AIMP1: variants seen among roughly 807,000 people sequenced by gnomAD.
AIMP1 encodes the protein aminoacyl tRNA synthase complex-interacting multifunctional protein 1.
AIMP1 carries 24 observed loss-of-function variants against 33.1 expected under a neutral mutation model. The ratio of observed to expected loss-of-function variants is 0.73; its 90% CI spans 0.53 to 1.02. The LOEUF (loss-of-function observed/expected upper bound fraction) is 1.02, where lower values mean the gene tolerates loss of function less well. AIMP1 is among the 50% of genes least tolerant of loss of function. The pLI is 0.00. For missense variants in AIMP1, 367 were observed against 364.8 expected (o/e 1.01, Z -0.05); for synonymous variants, 120 against 121.5 (o/e 0.99, Z 0.08).
Position 106,347,688 on chromosome 4 carries a change from A to G in AIMP1, c.935A>G (p.Lys312Arg). The change falls in exon 7 of 7, where the codon AAA becomes AGA. Residue 312 changes from lysine to arginine, a missense_variant. Coordinates refer to ENST00000672341, the MANE Select transcript of AIMP1 (RefSeq NM_001142416.2). ...CAAACCATGAGCAACAGTGGAATCA[A>G]ATAAAATGCTTCCACTACCAAAAGA... Reference protein sequence around the residue: ...RAQTMSNSGIK With the variant: ...RAQTMSNSGIR 6.2e-7 allele frequency: 1 copy of G among 1,612,790 alleles called. No homozygotes were observed. The highest frequency in any genetic ancestry group is 8.5e-7 in the Non-Finnish European group (1 of 1,179,318).
At position 106,347,800 on chromosome 4, in the gene AIMP1, C is replaced by T. The variant is rs923580052; in HGVS notation, c.*108C>T. 1.7e-6 allele frequency: 2 copies of T among 1,188,434 alleles called. No individual in the cohort carries two copies. Among genetic ancestry groups the T allele is most frequent in the Non-Finnish European group, 2.4e-6 (2 of 836,884 alleles). 73.6% of individuals were successfully genotyped at this position (1,188,434 alleles called of 1,614,324 possible). A position where few individuals can be genotyped will look rare whatever the true frequency, so the allele number is the denominator to read the frequency against. ...GAGTGGCTCATTTTTGCATTACTCT[C>T]TTCTAGACTTGACTAGTCATTTACT... On this transcript the variant is annotated 3_prime_UTR_variant, in exon 7 of 7. Transcript: ENST00000672341.
At chr4:106,339,511 C>T (rs901589929) in intron 6 of AIMP1, among the ~76,000 whole-genome samples, 1 of 152,218 alleles carries the variant, frequency 6.6e-6, no homozygotes, top group Non-Finnish European at 1.5e-5. Flanking sequence ...TCCTCTTTAA[C>T]CTTCTGCCAT....
intron 5 of AIMP1, among the ~76,000 whole-genome samples, chr4:106,332,304 T>G (rs1257606046): frequency 4.6e-5 from 7 of 151,868 alleles, no homozygotes; most frequent in Non-Finnish European, 7.4e-5. Context: ...CTCTCCTCAT[T>G]TTTCCTCAAG....
intron 5 of AIMP1, among the ~76,000 whole-genome samples, chr4:106,332,853 ACCAAGG>A (rs137991216): frequency 0.013 from 2,010 of 152,172 alleles, 49 homozygotes; most frequent in African/African-American, 0.045. Flanking sequence ...CATGCATATG[ACCAAGG>A]TCATAAATTA....
At chr4:106,336,808 T>C (rs1769902347) in intron 5 of AIMP1, 61 bp from the exon 6 acceptor site, 19 of 1,467,780 alleles carry the variant, frequency 1.3e-5, no homozygotes, top group Non-Finnish European at 1.4e-5. Context: ...CTTAATGTAG[T>C]CTGGATATGA....
Position 106,349,196 on chromosome 4 carries a change from C to G in AIMP1, c.*1504C>G, listed in dbSNP as rs917397328. On this transcript the variant is annotated 3_prime_UTR_variant, in exon 7 of 7. Transcript: ENST00000672341. ...TACTTTGTTCTCAAGATATGTCATT[C>G]TTTTGGGAATAAATACTTCTGGTGA... 7.9e-5 allele frequency: 12 copies of G among 151,860 alleles called. No homozygotes were observed. Among genetic ancestry groups the G allele is most frequent in the Non-Finnish European group, 1.6e-4 (11 of 67,932 alleles). 9.4% of individuals were successfully genotyped at this position (151,860 alleles called of 1,614,324 possible).
intron 6 of AIMP1, among the ~76,000 whole-genome samples, chr4:106,343,156 A>G (rs1770164672): frequency 6.6e-6 from 1 of 152,070 alleles, no homozygotes; most frequent in African/African-American, 2.4e-5. Context: ...TCCTAGTACA[A>G]TCTTGGGAGG....
intron 5 of AIMP1, 136 bp from the exon 6 acceptor site, chr4:106,336,733 G>C: frequency 4.7e-6 from 4 of 850,390 alleles, no homozygotes; most frequent in Non-Finnish European, 5.9e-6. Flanking sequence ...AGAGACTTTG[G>C]GCACACAAAG....
intron 6 of AIMP1, among the ~76,000 whole-genome samples, chr4:106,338,470 GGCCCTT>G (rs1769975934): frequency 6.6e-6 from 1 of 152,232 alleles, no homozygotes; most frequent in Admixed American, 6.5e-5. Context: ...GTACAGCTCA[GGCCCTT>G]GCTTCAGAGA....
rs77408017 is a variant in AIMP1, at chr4:106,347,331, C to A, written c.773-195C>A. On this transcript the variant is annotated intron_variant, in intron 6 of 6. Coordinates refer to ENST00000672341, the MANE Select transcript of AIMP1 (RefSeq NM_001142416.2). ...ATCTTTAATATACATAAAGAAACAA[C>A]AACGATTTTATTTTACCAATCAAGA... is the stretch of plus-strand genomic sequence containing the variant. 0.13 allele frequency among the ~76,000 whole-genome samples: 19,598 copies of A among 151,808 alleles called. 1,595 individuals carry two copies. Among genetic ancestry groups the A allele is most frequent in the South Asian group, 0.24 (1,152 of 4,800 alleles).
At position 106,328,186 on chromosome 4, in the gene AIMP1, C is replaced by T. The variant is rs879253867; in HGVS notation, c.334C>T (p.Gln112Ter). 1.2e-6 allele frequency: 2 copies of T among 1,612,712 alleles called. No individual in the cohort carries two copies. The change falls in exon 4 of 7, where the codon CAG becomes TAG. Residue 112 changes from glutamine to a stop codon, truncating the protein, a stop_gained. Coordinates refer to ENST00000672341, the MANE Select transcript of AIMP1 (RefSeq NM_001142416.2). LOFTEE classifies it high-confidence loss of function. Reference sequence around the variant, plus strand: ...AACCGTATCTTCTGGTACCAAAGAACAGATAAAAGGAGGAACAGGAGACGA... The same window carrying T: ...AACCGTATCTTCTGGTACCAAAGAATAGATAAAAGGAGGAACAGGAGACGA... ...VTTVSSGTKE[Q>*]IKGGTGDEKK...
chr4:106,347,596 T>A lies in AIMP1; in HGVS notation c.843T>A (p.Asn281Lys). The change falls in exon 7 of 7, where the codon AAT (asparagine) becomes AAA (lysine). Residue 281 changes from asparagine (N) to lysine (K), a missense_variant. Physicochemically the swap from Asn to Lys is moderately conservative, Grantham distance 94. Transcript: ENST00000672341. Reference sequence around the variant, plus strand: ...AGATCCAGCCTGATCTTCACACTAATGATGAGTGTGTGGCTACATACAAAG... The same window carrying A: ...AGATCCAGCCTGATCTTCACACTAAAGATGAGTGTGTGGCTACATACAAAG... ...WEQIQPDLHT[N>K]DECVATYKGV... 1 of 1,613,458 alleles carries A rather than the reference T, an allele frequency of 6.2e-7. No individual in the cohort carries two copies. Among genetic ancestry groups the A allele is most frequent in the Non-Finnish European group, 8.5e-7 (1 of 1,179,672 alleles).
chr4:106,322,135 G>A (rs1437132810), intron 1 of AIMP1, among the ~76,000 whole-genome samples: 1 of 152,116 alleles, frequency 6.6e-6, no homozygotes, highest in African/African-American at 2.4e-5. Flanking sequence ...AGTACCCAGG[G>A]ACAAACACTG....
intron 1 of AIMP1, among the ~76,000 whole-genome samples, chr4:106,323,104 C>T (rs1462240170): frequency 6.6e-6 from 1 of 151,776 alleles, no homozygotes; most frequent in African/African-American, 2.4e-5. Context: ...ATGACATTCT[C>T]TTTCCTAAAC....
chr4:106,320,755 C>T (rs1011535314), intron 1 of AIMP1, among the ~76,000 whole-genome samples: 3 of 151,972 alleles, frequency 2.0e-5, no homozygotes, highest in Non-Finnish European at 4.4e-5. Flanking sequence ...TAGCCCTCTC[C>T]CTCTCCCTCT....
At chr4:106,335,502 T>C (rs1042894316) in intron 5 of AIMP1, among the ~76,000 whole-genome samples, 1 of 152,118 alleles carries the variant, frequency 6.6e-6, no homozygotes, top group African/African-American at 2.4e-5. Flanking sequence ...GAATTCAAAA[T>C]TATATACTCT....
chr4:106,336,903 T>C lies in AIMP1; in HGVS notation c.638T>C (p.Leu213Pro). The change falls in exon 6 of 7, where the codon CTG becomes CCG. Residue 213 changes from leucine (L) to proline (P), a missense_variant. Physicochemically the swap from Leu to Pro is moderately conservative, Grantham distance 98. Transcript: ENST00000672341. ...CGGATGGTGATTTTACTTTGTAACCTGAAACCTGCAAAGATGAGGGGAGTA... is the reference window on the plus strand; with the variant it reads ...CGGATGGTGATTTTACTTTGTAACCCGAAACCTGCAAAGATGAGGGGAGTA... ...QNRMVILLCN[L>P]KPAKMRGVLS... 2 of 1,614,114 alleles carry C rather than the reference T, an allele frequency of 1.2e-6. No homozygotes were observed. Among genetic ancestry groups the C allele is most frequent in the Non-Finnish European group, 1.7e-6 (2 of 1,179,976 alleles).
intron 1 of AIMP1, among the ~76,000 whole-genome samples, chr4:106,323,753 G>A (rs1769357469): frequency 6.6e-6 from 1 of 151,990 alleles, no homozygotes; most frequent in Non-Finnish European, 1.5e-5. Flanking sequence ...AAACAATAAT[G>A]AGTATCTGAT....
intron 4 of AIMP1, among the ~76,000 whole-genome samples, chr4:106,328,757 G>A (rs1769553484): frequency 6.6e-6 from 1 of 152,068 alleles, no homozygotes; most frequent in Admixed American, 6.6e-5. Flanking sequence ...CCTATTCCCT[G>A]TTCTTCATAT....
Sources: gnomAD v4.1 joint callset for allele counts (sites outside exome capture counted in the v4.1 genomes callset) on GRCh38, gnomAD v4.1.1 for gene constraint, MANE v1.5 for transcripts, NCBI Gene and HGNC (gene_info 2026-07-23, HGNC 2026-07-21) for gene names.